The following NPAS3 variants were observed in gnomAD, a reference collection of about 807,000 sequenced individuals.
NPAS3 encodes neuronal PAS domain-containing protein 3.
In NPAS3, 14 loss-of-function variants were observed where a neutral mutation model predicts 73.1. The observed-to-expected ratio is 0.19, with a 90% CI of 0.13 to 0.30. The LOEUF (loss-of-function observed/expected upper bound fraction) is 0.30, where lower values mean the gene tolerates loss of function less well. Ranked by LOEUF, NPAS3 falls within the 10% of genes least tolerant of loss-of-function variation. The pLI is 1.00. For synonymous variants in NPAS3, 620 were observed against 541.5 expected (o/e 1.14, Z -2.01); for missense variants, 1,096 against 1,250.0 (o/e 0.88, Z 1.86).
intron 5 of NPAS3, among the ~76,000 whole-genome samples, chr14:33,675,156 G>T (rs2059724783): frequency 6.6e-6 from 1 of 152,136 alleles, no homozygotes; most frequent in Admixed American, 6.5e-5. Flanking sequence ...GGAGGACCGG[G>T]AAACCCATTA....
intron 4 of NPAS3, among the ~76,000 whole-genome samples, chr14:33,496,389 C>A (rs1021675926): frequency 3.3e-5 from 5 of 151,914 alleles, no homozygotes; most frequent in Non-Finnish European, 5.9e-5. Flanking sequence ...GGCAGAGACA[C>A]AACAAAAAAA....
chr14:33,720,528 A>G (rs1271002812), intron 6 of NPAS3, among the ~76,000 whole-genome samples: 1 of 152,188 alleles, frequency 6.6e-6, no homozygotes, highest in Non-Finnish European at 1.5e-5. Context: ...TAGAAAGTAA[A>G]TTACAGCTGC....
intron 4 of NPAS3, among the ~76,000 whole-genome samples, chr14:33,533,987 T>G (rs542651243): frequency 2.3e-4 from 35 of 152,160 alleles, no homozygotes; most frequent in Non-Finnish European, 3.2e-4. Flanking sequence ...TAAAAAATAA[T>G]ACTCTTTACC....
At chr14:33,563,427 C>T (rs1442058798) in intron 5 of NPAS3, among the ~76,000 whole-genome samples, 1 of 151,694 alleles carries the variant, frequency 6.6e-6, no homozygotes, top group Non-Finnish European at 1.5e-5. Context: ...TTAAAGTATT[C>T]TCATCTTGTT....
chr14:33,759,744 G>A (rs183998921), intron 7 of NPAS3, among the ~76,000 whole-genome samples: 1 of 152,308 alleles, frequency 6.6e-6, no homozygotes, highest in East Asian at 1.9e-4. Flanking sequence ...GCTACTGGTT[G>A]TCTTTAGTCC....
intron 5 of NPAS3, among the ~76,000 whole-genome samples, chr14:33,619,048 T>A (rs2058005260): frequency 6.6e-6 from 1 of 152,244 alleles, no homozygotes; most frequent in South Asian, 2.1e-4. Flanking sequence ...TAATTTCTTT[T>A]TTACTGTTTC....
At chr14:33,770,849 G>A (rs987842318) in intron 7 of NPAS3, among the ~76,000 whole-genome samples, 6 of 151,750 alleles carry the variant, frequency 4.0e-5, no homozygotes, top group African/African-American at 7.3e-5. Context: ...GCAGTGAGCC[G>A]AGATCACACC....
intron 4 of NPAS3, among the ~76,000 whole-genome samples, chr14:33,485,743 C>A (rs1299180753): frequency 6.6e-6 from 1 of 152,160 alleles, no homozygotes; most frequent in African/African-American, 2.4e-5. Flanking sequence ...AAAAACCATT[C>A]ATTTTTAAAT....
intron 3 of NPAS3, among the ~76,000 whole-genome samples, chr14:33,226,130 T>C (rs145612952): frequency 6.6e-6 from 1 of 152,328 alleles, no homozygotes; most frequent in African/African-American, 2.4e-5. Context: ...TGGTATCATT[T>C]GGCTTATTAC....
intron 1 of NPAS3, among the ~76,000 whole-genome samples, chr14:32,963,638 G>T (rs1318268984): frequency 2.0e-5 from 3 of 152,174 alleles, no homozygotes; most frequent in Non-Finnish European, 4.4e-5. Flanking sequence ...GACAGAGGCA[G>T]TCATTAGTGC....
intron 4 of NPAS3, among the ~76,000 whole-genome samples, chr14:33,439,340 A>G (rs1275550191): frequency 3.9e-5 from 6 of 152,232 alleles, no homozygotes; most frequent in African/African-American, 1.4e-4. Flanking sequence ...GTTTGTCTAG[A>G]TAAAATAAAC....
intron 6 of NPAS3, among the ~76,000 whole-genome samples, chr14:33,682,219 T>C (rs149917571): frequency 3.8e-4 from 58 of 152,306 alleles, no homozygotes; most frequent in African/African-American, 1.2e-3. Flanking sequence ...CTCTGATGGA[T>C]TGATTTAAAA....
intron 4 of NPAS3, among the ~76,000 whole-genome samples, chr14:33,482,056 T>TG (rs200060182): frequency 4.1e-4 from 61 of 150,564 alleles, no homozygotes; most frequent in Middle Eastern, 3.4e-3. Context: ...GAAGCAAGTT[T>TG]TTTTTTTTTT....
At chr14:33,024,218 C>T (rs1379471811) in intron 1 of NPAS3, among the ~76,000 whole-genome samples, 2 of 151,494 alleles carry the variant, frequency 1.3e-5, no homozygotes, top group Non-Finnish European at 2.9e-5. Context: ...GTCACCCAGG[C>T]TGGAGTACAG....
intron 3 of NPAS3, among the ~76,000 whole-genome samples, chr14:33,320,163 A>AAAG (rs1223090470): frequency 2.0e-5 from 3 of 152,154 alleles, no homozygotes. Context: ...ATTTGGGGTG[A>AAAG]AAGAAGAACA....
At chr14:33,111,436 C>T (rs1172488080) in intron 2 of NPAS3, among the ~76,000 whole-genome samples, 2 of 152,088 alleles carry the variant, frequency 1.3e-5, no homozygotes, top group Admixed American at 6.6e-5. Context: ...AAAAAATAGC[C>T]CTATTATCAT....
rs139196639 is a variant in NPAS3, at chr14:33,046,922, C to T, written c.51-8983C>T. Among the ~76,000 whole-genome samples the T allele has an allele frequency of 4.8e-3, 731 of 152,082 alleles. 9 individuals carry two copies. The highest frequency in any genetic ancestry group is 0.017 in the African/African-American group (688 of 41,490). Reference sequence around the variant, plus strand: ...CTGGGAGGCGGAGGTTGCAGTGAGCCGAGATTGCACCACTGCACTACAGCC... The same window carrying T: ...CTGGGAGGCGGAGGTTGCAGTGAGCTGAGATTGCACCACTGCACTACAGCC... On this transcript the variant is annotated intron_variant, in intron 1 of 11. Transcript: ENST00000356141.
At chr14:33,116,348 G>T (rs1051974332) in intron 2 of NPAS3, among the ~76,000 whole-genome samples, 1 of 152,088 alleles carries the variant, frequency 6.6e-6, no homozygotes, top group Non-Finnish European at 1.5e-5. Context: ...GTACTAATTT[G>T]CATAACTTCC....
chr14:33,229,494 C>T (rs561095672), intron 3 of NPAS3, among the ~76,000 whole-genome samples: 6 of 152,246 alleles, frequency 3.9e-5, no homozygotes, highest in East Asian at 1.9e-4. Flanking sequence ...CCTTCCCGCC[C>T]GCTCACATGC....
Sources: gnomAD v4.1 joint callset for allele counts (sites outside exome capture counted in the v4.1 genomes callset) on GRCh38, gnomAD v4.1.1 for gene constraint, MANE v1.5 for transcripts, NCBI Gene and HGNC (gene_info 2026-07-23, HGNC 2026-07-21) for gene names.